Variants in GCNT1 observed in about 807,000 individuals in gnomAD.
The protein encoded by GCNT1 is glucosaminyl (N-acetyl) transferase 1.
In GCNT1, 16 loss-of-function variants were observed where a neutral mutation model predicts 26.2. The observed-to-expected ratio is 0.61, with a 90% CI of 0.41 to 0.93. The LOEUF (loss-of-function observed/expected upper bound fraction) is 0.93. Ranked by LOEUF, GCNT1 falls within the 40% of genes least tolerant of loss-of-function variation. The probability of loss-of-function intolerance (pLI) is 0.00; values close to 1 mark genes in which losing one functional copy is unlikely to be tolerated. For missense variants in GCNT1, 477 were observed against 526.7 expected (o/e 0.91, Z 0.92); for synonymous variants, 183 against 190.8 (o/e 0.96, Z 0.34).
At chr9:76,434,357 G>A (rs770685548) in intron 1 of GCNT1, among the ~76,000 whole-genome samples, 6 of 152,154 alleles carry the variant, frequency 3.9e-5, no homozygotes, top group East Asian at 1.9e-4. Flanking sequence ...CAGGGACCCC[G>A]AATGGAGTGA....
chr9:76,397,392 T>G, the GCNT1 span, among the ~76,000 whole-genome samples: 16 of 151,988 alleles, frequency 1.1e-4, no homozygotes, highest in Non-Finnish European at 5.9e-5. Flanking sequence ...CATTTACATG[T>G]CAAGTCATAT....
At chr9:76,407,990 A>G in the GCNT1 span, among the ~76,000 whole-genome samples, 51,053 of 152,066 alleles carry the variant, frequency 0.34, 9,118 homozygotes, top group Middle Eastern at 0.4. Context: ...CAACCTTGCT[A>G]TACTTATTTA....
At chr9:76,488,044 G>A (rs201591199) in intron 2 of GCNT1, among the ~76,000 whole-genome samples, 24 of 152,164 alleles carry the variant, frequency 1.6e-4, no homozygotes, top group African/African-American at 5.8e-4. Context: ...AATAATTATT[G>A]AATATAACTC....
upstream of GCNT1, among the ~76,000 whole-genome samples, chr9:76,416,482 G>C (rs1003240337): frequency 5.9e-5 from 9 of 152,200 alleles, no homozygotes; most frequent in African/African-American, 2.2e-4. Context: ...ACTGCTAAAA[G>C]AGCATTAATT....
intron 1 of GCNT1, among the ~76,000 whole-genome samples, chr9:76,423,739 A>G (rs2131572478): frequency 6.6e-6 from 1 of 152,370 alleles, no homozygotes. Context: ...TCTAGGAATA[A>G]TATAAGCTAT....
chr9:76,502,853 T>A lies in GCNT1; in HGVS notation c.472T>A (p.Ser158Thr). Reference sequence around the variant, plus strand: ...CTATTGCATTCATGTGGACACAAAATCCGAGGATTCCTATTTAGCTGCAGT... The same window carrying A: ...CTATTGCATTCATGTGGACACAAAAACCGAGGATTCCTATTTAGCTGCAGT... ...NFYCIHVDTKSEDSYLAAVMG... is the reference protein window; with the variant it reads ...NFYCIHVDTKTEDSYLAAVMG... Residue 158 changes from serine to threonine, a missense_variant, in exon 4 of 4, where the codon TCC (serine) becomes ACC (threonine). Ser to Thr is a moderately conservative substitution (Grantham distance 58). Coordinates refer to ENST00000376730, the MANE Select transcript of GCNT1 (RefSeq NM_001490.5). 6.2e-7 allele frequency: 1 copy of A among 1,614,108 alleles called. No individual in the cohort carries two copies. Among genetic ancestry groups the A allele is most frequent in the Non-Finnish European group, 8.5e-7 (1 of 1,179,992 alleles).
chr9:76,470,603 C>CAAAAAAAA (rs10564028), intron 2 of GCNT1, among the ~76,000 whole-genome samples: 1 of 94,226 alleles, frequency 1.1e-5, no homozygotes, highest in Non-Finnish European at 2.1e-5. Context: ...GACCCTGTCC[C>CAAAAAAAA]AAAAAAAAAA....
At chr9:76,493,632 T>C (rs1210571684) in intron 2 of GCNT1, among the ~76,000 whole-genome samples, 3 of 152,262 alleles carry the variant, frequency 2.0e-5, no homozygotes, top group African/African-American at 4.8e-5. Context: ...TCTTTGCTTG[T>C]TTCCTTCTGG....
chr9:76,432,937 G>C (rs1823357002), intron 1 of GCNT1, among the ~76,000 whole-genome samples: 1 of 151,354 alleles, frequency 6.6e-6, no homozygotes, highest in Non-Finnish European at 1.5e-5. Context: ...AGGCTTTTTT[G>C]GATACTCACA....
intron 2 of GCNT1, among the ~76,000 whole-genome samples, chr9:76,467,622 G>A (rs1234230138): frequency 1.3e-5 from 2 of 152,146 alleles, no homozygotes; most frequent in Admixed American, 1.3e-4. Flanking sequence ...AGAGCTACTT[G>A]CCTGTTGAGT....
chr9:76,428,302 A>AAAAAAAAAAAAAAAAAAAAAAG lies in GCNT1; in HGVS notation n.38+8416_38+8417insAAAAAAAAAAAAAAAAAAAAGA, dbSNP rs1222053703. On this transcript the variant is annotated intron_variant and non_coding_transcript_variant, in intron 1 of 3. Coordinates refer to the GCNT1 transcript ENST00000488136. ...AAAAAAAAAAAAACTTAAAAAAAAAAAGAGAGAGAGAAATGGAGAAATGTT... is the reference window on the plus strand; with the variant it reads ...AAAAAAAAAAAAACTTAAAAAAAAAAAAAAAAAAAAAAAAAAAAAAAGAGAGAGAGAGAAATGGAGAAATGTT... Among the ~76,000 whole-genome samples, 18 of 149,320 alleles carry AAAAAAAAAAAAAAAAAAAAAAG rather than the reference A, an allele frequency of 1.2e-4. 1 individual carries two copies. The highest frequency in any genetic ancestry group is 1.7e-4 in the African/African-American group (7 of 40,428).
At chr9:76,433,309 G>T (rs375489874) in intron 1 of GCNT1, among the ~76,000 whole-genome samples, 2 of 152,190 alleles carry the variant, frequency 1.3e-5, no homozygotes, top group Non-Finnish European at 2.9e-5. Context: ...GGGCTGGAGT[G>T]GGGCAATGGG....
intron 2 of GCNT1, among the ~76,000 whole-genome samples, chr9:76,499,111 C>A (rs1033680297): frequency 6.6e-6 from 1 of 151,420 alleles, no homozygotes; most frequent in Non-Finnish European, 1.5e-5. Flanking sequence ...TGATTTTGCT[C>A]ATTATAGAAT....
At chr9:76,492,787 T>A (rs1479685337) in intron 2 of GCNT1, among the ~76,000 whole-genome samples, 1 of 152,018 alleles carries the variant, frequency 6.6e-6, no homozygotes, top group Non-Finnish European at 1.5e-5. Context: ...TTCTGTCCTC[T>A]CTAAACCAGC....
At position 76,503,945 on chromosome 9, in the gene GCNT1, G is replaced by C. The variant is rs1238622108; in HGVS notation, c.*277G>C. ...AAGGCATTGTGGAAAGAGGGGACCAGGGTGGCTGGGGAAGAGGCCGATGCA... is the reference window on the plus strand; with the variant it reads ...AAGGCATTGTGGAAAGAGGGGACCACGGTGGCTGGGGAAGAGGCCGATGCA... On this transcript the variant is annotated 3_prime_UTR_variant, in exon 4 of 4. Coordinates refer to ENST00000376730, the MANE Select transcript of GCNT1 (RefSeq NM_001490.5). The C allele has an allele frequency of 6.9e-6, 3 of 437,296 alleles. No homozygotes were observed. The highest frequency in any genetic ancestry group is 6.0e-5 in the African/African-American group (3 of 50,220). The allele number at this position is 437,296 out of a possible 1,614,324, so 27.1% of individuals were successfully genotyped here.
At chr9:76,462,745 C>CT (rs1192805211) in intron 2 of GCNT1, among the ~76,000 whole-genome samples, 3 of 152,158 alleles carry the variant, frequency 2.0e-5, no homozygotes, top group African/African-American at 7.2e-5. Flanking sequence ...CTTGAAACAC[C>CT]TTTATCATAA....
At chr9:76,462,311 A>G (rs993896016) in intron 2 of GCNT1, among the ~76,000 whole-genome samples, 1 of 152,182 alleles carries the variant, frequency 6.6e-6, no homozygotes, top group Non-Finnish European at 1.5e-5. Context: ...TTTCTTGTGG[A>G]GACTGTCTGT....
At chr9:76,432,945 A>G (rs1823357118) in intron 1 of GCNT1, among the ~76,000 whole-genome samples, 2 of 151,698 alleles carry the variant, frequency 1.3e-5, no homozygotes, top group Admixed American at 6.6e-5. Context: ...TTGGATACTC[A>G]CAAACCAATT....
chr9:76,398,042 G>T, the GCNT1 span, among the ~76,000 whole-genome samples: 1 of 152,144 alleles, frequency 6.6e-6, no homozygotes, highest in Non-Finnish European at 1.5e-5. Flanking sequence ...ATTCTAAAAC[G>T]TGTTTTTTAT....
Sources: allele counts gnomAD v4.1 joint callset (sites outside exome capture counted in the v4.1 genomes callset), GRCh38; gene constraint gnomAD v4.1.1; transcripts MANE v1.5; gene names NCBI Gene and HGNC (gene_info 2026-07-23, HGNC 2026-07-21).